The following DNAJA3 variants were observed in gnomAD, a reference collection of about 807,000 sequenced individuals.
The protein encoded by DNAJA3 is dnaJ homolog subfamily A member 3, mitochondrial.
DNAJA3 carries 29 observed loss-of-function variants against 54.9 expected under a neutral mutation model. The ratio of observed to expected loss-of-function variants is 0.53; its 90% CI spans 0.39 to 0.72. The LOEUF (loss-of-function observed/expected upper bound fraction) is 0.72, where lower values mean the gene tolerates loss of function less well. Among genes scored for constraint, DNAJA3 ranks in the 30% least tolerant of loss-of-function variants. The pLI, the probability that DNAJA3 is intolerant of heterozygous loss-of-function variation, is 0.00. For synonymous variants in DNAJA3, 302 were observed against 251.4 expected (o/e 1.20, Z -1.90); for missense variants, 708 against 639.4 (o/e 1.11, Z -1.16).
chr16:4,437,580 A>G, intron 3 of DNAJA3, 95 bp downstream of exon 3: 1 of 995,300 alleles, frequency 1.0e-6, no homozygotes, highest in South Asian at 1.4e-5. Flanking sequence ...TGTGTCATAC[A>G]GTCCAGTGTG....
intron 8 of DNAJA3, chr16:4,447,314 G>T: frequency 9.4e-6 from 3 of 319,770 alleles, no homozygotes; most frequent in Non-Finnish European, 1.7e-5. Context: ...TGTGCTCTCT[G>T]CACTTGCTTC....
chr16:4,429,123 G>A (rs1002140155), intron 1 of DNAJA3, among the ~76,000 whole-genome samples: 7 of 151,772 alleles, frequency 4.6e-5, no homozygotes. Context: ...TCCTGACCTC[G>A]TGATCCACCC....
chr16:4,450,299 G>T, intron 9 of DNAJA3, 101 bp from the exon 10 acceptor site: 8 of 916,372 alleles, frequency 8.7e-6, no homozygotes, highest in Non-Finnish European at 1.3e-5. Context: ...CCAAGGTTGG[G>T]TCCCTCTCTT....
chr16:4,435,090 C>T lies in DNAJA3; in HGVS notation c.345+573C>T, dbSNP rs573589500. The stretch of plus-strand genomic sequence containing the variant: ...TTTTTTTGTATTTTTAGTAGAGACG[C>T]GGTTTCACTTTGTTGGTCAGGCTGG... On this transcript the variant is annotated intron_variant, in intron 2 of 11. Transcript: ENST00000262375. Among the ~76,000 whole-genome samples, 61 of 151,668 alleles carry T rather than the reference C, an allele frequency of 4.0e-4. 1 individual carries two copies. In the Middle Eastern group the frequency reaches 0.02, roughly 51 times the overall value.
At chr16:4,433,955 A>G (rs1354966973) in intron 1 of DNAJA3, 2 of 212,974 alleles carry the variant, frequency 9.4e-6, no homozygotes, top group Non-Finnish European at 9.3e-6. Context: ...GCAGCTAATA[A>G]AGACATACCT....
chr16:4,449,218 A>C (rs549240472), intron 9 of DNAJA3, among the ~76,000 whole-genome samples: 1 of 151,458 alleles, frequency 6.6e-6, no homozygotes, highest in Non-Finnish European at 1.5e-5. Context: ...GAGTGGCCTC[A>C]ATCTCCTGAC....
chr16:4,438,870 A>G (rs1287528192), intron 3 of DNAJA3, among the ~76,000 whole-genome samples: 1 of 151,982 alleles, frequency 6.6e-6, no homozygotes, highest in Non-Finnish European at 1.5e-5. Flanking sequence ...CAACTCAGTA[A>G]ATCTTTTTTG....
intron 2 of DNAJA3, among the ~76,000 whole-genome samples, chr16:4,435,015 G>C (rs2056756884): frequency 6.8e-6 from 1 of 148,132 alleles, no homozygotes; most frequent in Non-Finnish European, 1.5e-5. Flanking sequence ...TCCTGTGTCC[G>C]CCTCCCAAGT....
intron 2 of DNAJA3, among the ~76,000 whole-genome samples, chr16:4,434,935 T>TGCTGAG (rs2056755835): frequency 7.1e-6 from 1 of 140,580 alleles, no homozygotes; most frequent in African/African-American, 2.6e-5. Context: ...CTCACTCCAT[T>TGCTGAG]GCTGAGGCTG....
At position 4,439,638 on chromosome 16, in the gene DNAJA3, G is replaced by A. The variant is rs1463520233; in HGVS notation, c.430-1737G>A. ...GAGTTTTGGAGAGTCCTAATCCACC[G>A]TGTTGCTGACTTCTGTCTTCAAGGG... On this transcript the variant is annotated intron_variant, in intron 3 of 11. Coordinates refer to ENST00000262375, the MANE Select transcript of DNAJA3 (RefSeq NM_005147.6). 3.9e-5 allele frequency among the ~76,000 whole-genome samples: 6 copies of A among 152,154 alleles called. No individual in the cohort carries two copies. In the East Asian group the frequency reaches 9.6e-4, roughly 24 times the overall value.
chr16:4,445,365 C>T (rs539334270), intron 7 of DNAJA3, among the ~76,000 whole-genome samples: 1 of 152,266 alleles, frequency 6.6e-6, no homozygotes, highest in Admixed American at 6.5e-5. Context: ...AGGCAGCTTG[C>T]CAGTGGCTGT....
At chr16:4,454,709 A>T (rs2057015150) in intron 10 of DNAJA3, 102 bp from the exon 11 acceptor site, 1 of 791,846 alleles carries the variant, frequency 1.3e-6, no homozygotes, top group Admixed American at 2.6e-5. Flanking sequence ...CCGCTTCTTG[A>T]ACGTGGGCCC....
intron 1 of DNAJA3, among the ~76,000 whole-genome samples, chr16:4,430,249 G>A (rs2056680096): frequency 6.6e-6 from 1 of 151,880 alleles, no homozygotes; most frequent in South Asian, 2.1e-4. Flanking sequence ...TTTTAGATGT[G>A]ACTTTTCTTC....
At chr16:4,444,795 T>C in intron 7 of DNAJA3, 67 bp downstream of exon 7, 1 of 1,390,098 alleles carries the variant, frequency 7.2e-7, no homozygotes, top group Non-Finnish European at 1.0e-6. Flanking sequence ...TGGCTGAGGC[T>C]GCTCCCATGT....
chr16:4,435,283 C>A (rs1442111666), intron 2 of DNAJA3, among the ~76,000 whole-genome samples: 1 of 151,912 alleles, frequency 6.6e-6, no homozygotes, highest in Non-Finnish European at 1.5e-5. Flanking sequence ...AAGTTGTATA[C>A]GAGATGTCTA....
chr16:4,453,246 C>G (rs1224020775), intron 10 of DNAJA3, among the ~76,000 whole-genome samples: 1 of 151,916 alleles, frequency 6.6e-6, no homozygotes, highest in Non-Finnish European at 1.5e-5. Flanking sequence ...CGTTTAGTAT[C>G]TTAATGTAGC....
chr16:4,448,677 C>T, intron 8 of DNAJA3, 56 bp from the exon 9 acceptor site: 1 of 1,307,624 alleles, frequency 7.6e-7, no homozygotes, highest in Non-Finnish European at 1.1e-6. Flanking sequence ...GTAGTGAAAA[C>T]TTTTTATTTG....
intron 2 of DNAJA3, among the ~76,000 whole-genome samples, chr16:4,437,081 G>A (rs940340082): frequency 3.9e-5 from 6 of 152,030 alleles, no homozygotes; most frequent in African/African-American, 1.2e-4. Context: ...AGTGATTCTC[G>A]TGCTTCAGCC....
intron 7 of DNAJA3, among the ~76,000 whole-genome samples, chr16:4,445,283 GT>G (rs1229115639): frequency 6.6e-6 from 1 of 152,230 alleles, no homozygotes; most frequent in East Asian, 1.9e-4. Flanking sequence ...CTGCAGGGCA[GT>G]CGGAAGGAAA....
Sources: gnomAD v4.1 joint callset for allele counts (sites outside exome capture counted in the v4.1 genomes callset) on GRCh38, gnomAD v4.1.1 for gene constraint, MANE v1.5 for transcripts, NCBI Gene and HGNC (gene_info 2026-07-23, HGNC 2026-07-21) for gene names.